WWC1: variants seen among roughly 807,000 people sequenced by gnomAD.
WWC1 encodes WW and C2 domain containing 1, also known as protein KIBRA.
Under a neutral mutation model 138.4 loss-of-function variants are expected in WWC1, and 55 were observed. The observed-to-expected ratio is 0.40, with a 90% CI of 0.32 to 0.50. The LOEUF is 0.50. WWC1 is among the 20% of genes least tolerant of loss of function. The pLI, the probability that WWC1 is intolerant of heterozygous loss-of-function variation, is 0.72. For missense variants in WWC1, 1,226 were observed against 1,420.4 expected, an observed-to-expected ratio of 0.86 and a Z score of 2.20; for synonymous variants, 524 against 564.9, an observed-to-expected ratio of 0.93 and a Z score of 1.03.
intron 10 of WWC1, among the ~76,000 whole-genome samples, chr5:168,422,659 C>T (rs1781185562): frequency 6.6e-6 from 1 of 152,024 alleles, no homozygotes; most frequent in African/African-American, 2.4e-5. Flanking sequence ...TGCCACCTAC[C>T]TGCACAACAC....
At chr5:168,383,732 C>T (rs1301756406) in intron 2 of WWC1, among the ~76,000 whole-genome samples, 1 of 152,186 alleles carries the variant, frequency 6.6e-6, no homozygotes, top group Non-Finnish European at 1.5e-5. Context: ...GAAGCAATAC[C>T]TATCTGGAGG....
chr5:168,409,288 A>G (rs888889), intron 7 of WWC1, among the ~76,000 whole-genome samples: 69,341 of 152,062 alleles, frequency 0.46, 19,914 homozygotes, highest in African/African-American at 0.8. Context: ...TGCTGTTCCT[A>G]TCTAAGTTCC....
chr5:168,326,307 T>G (rs1772543961), intron 1 of WWC1, among the ~76,000 whole-genome samples: 1 of 142,252 alleles, frequency 7.0e-6, no homozygotes, highest in Non-Finnish European at 1.5e-5. Flanking sequence ...AACCTCCGCC[T>G]CCCAGGTTCA....
chr5:168,341,843 G>A (rs911595630), intron 1 of WWC1, among the ~76,000 whole-genome samples: 3 of 152,178 alleles, frequency 2.0e-5, no homozygotes, highest in African/African-American at 4.8e-5. Context: ...GATAACGGAA[G>A]AAAGTTCTGT....
chr5:168,419,532 G>C (rs1167119395), intron 9 of WWC1, among the ~76,000 whole-genome samples: 1 of 152,152 alleles, frequency 6.6e-6, no homozygotes, highest in Non-Finnish European at 1.5e-5. Context: ...CACCTGGGAG[G>C]CTTAATGAAA....
intron 19 of WWC1, among the ~76,000 whole-genome samples, chr5:168,458,724 A>G (rs762941205): frequency 2.6e-5 from 4 of 152,204 alleles, no homozygotes; most frequent in Admixed American, 6.5e-5. Context: ...TCTAGCTATT[A>G]AATGCAAGTA....
chr5:168,406,090 G>T, intron 5 of WWC1, 108 bp from the exon 6 acceptor site: 1 of 1,369,100 alleles, frequency 7.3e-7, no homozygotes, highest in Non-Finnish European at 1.0e-6. Context: ...AGGACAGAGG[G>T]AGGGGCCTTC....
At chr5:168,468,282 A>G (rs931741856) in intron 22 of WWC1, among the ~76,000 whole-genome samples, 1 of 152,174 alleles carries the variant, frequency 6.6e-6, no homozygotes, top group African/African-American at 2.4e-5. Flanking sequence ...TGAATGATAA[A>G]TAAACCTAGG....
chr5:168,316,066 C>T (rs1042762465), intron 1 of WWC1, among the ~76,000 whole-genome samples: 3 of 152,214 alleles, frequency 2.0e-5, no homozygotes, highest in Admixed American at 1.3e-4. Flanking sequence ...GGCCTCCCCC[C>T]TCTTTTCAGG....
chr5:168,463,484 A>G (rs1756993306), intron 20 of WWC1, among the ~76,000 whole-genome samples: 1 of 152,190 alleles, frequency 6.6e-6, no homozygotes, highest in African/African-American at 2.4e-5. Context: ...CCAGCCAGGA[A>G]AAGCCCAGGC....
intron 1 of WWC1, among the ~76,000 whole-genome samples, chr5:168,305,030 G>A (rs192502898): frequency 3.3e-5 from 5 of 151,922 alleles, no homozygotes; most frequent in African/African-American, 1.2e-4. Flanking sequence ...TCTCCATGTT[G>A]GTCAGGCTGG....
chr5:168,339,822 C>CTT (rs1397498303), intron 1 of WWC1, among the ~76,000 whole-genome samples: 11 of 98,476 alleles, frequency 1.1e-4, no homozygotes, highest in African/African-American at 3.6e-4. Context: ...TTCTTTCTTT[C>CTT]TTTCTTTCTT....
rs1305726750 is a variant in WWC1, at chr5:168,455,508, G to C, written c.2811G>C (p.Gln937His). The C allele has an allele frequency of 6.2e-7, 1 of 1,612,748 alleles. No individual in the cohort carries two copies. Among genetic ancestry groups the C allele is most frequent in the African/African-American group, 1.3e-5 (1 of 74,886 alleles). ...CCTTCTCCCCAGGACCCCAGAGCCAGTACGTGTGCCGGGTAAGTGAGCGTG... is the reference window on the plus strand; with the variant it reads ...CCTTCTCCCCAGGACCCCAGAGCCACTACGTGTGCCGGGTAAGTGAGCGTG... Reference protein sequence around the residue: ...SKTFSPGPQSQYVCRLNRSDS... With the variant: ...SKTFSPGPQSHYVCRLNRSDS... The change falls in exon 19 of 23, where the codon CAG (glutamine) becomes CAC (histidine). Residue 937 changes from glutamine (Q) to histidine (H), a missense_variant. Gln to His is a conservative substitution (Grantham distance 24). Around this residue, in one of 3 missense-constraint regions of WWC1, gnomAD observed 206 missense variants for 247.4 expected, o/e 0.83. Coordinates refer to ENST00000265293, the MANE Select transcript of WWC1 (RefSeq NM_015238.3).
intron 12 of WWC1, 75 bp from the exon 13 acceptor site, chr5:168,428,632 G>A: frequency 1.4e-6 from 2 of 1,458,546 alleles, no homozygotes; most frequent in South Asian, 1.2e-5. Context: ...CCTTCCTGGG[G>A]ATGTAACCTC....
At chr5:168,298,960 C>G (rs566384961) in intron 1 of WWC1, among the ~76,000 whole-genome samples, 1 of 152,252 alleles carries the variant, frequency 6.6e-6, no homozygotes, top group African/African-American at 2.4e-5. Flanking sequence ...TGGCACGCAC[C>G]TGTAATCCCA....
In WWC1 at chr5:168,441,737, G is replaced by A. The variant is rs772425970; in HGVS notation, c.2336G>A (p.Arg779His). Residue 779 changes from arginine (R) to histidine (H), a missense_variant, in exon 16 of 23, where the codon CGC becomes CAC. By Grantham distance (29) the Arg-to-His change is conservative (BLOSUM62 0). Around this residue, in one of 3 missense-constraint regions of WWC1, gnomAD observed 1,016 missense variants for 1,153.9 expected, o/e 0.88. Transcript: ENST00000265293. ...EVCRSGERST[R>H]WYNLLSYKYL... is the part of the protein sequence containing the mutation. ...TGCCGGTCTGGGGAGAGGTCGACTC[G>A]CTGGTACAACCTTCTCAGCTACAAA... 26 of 1,614,176 alleles carry A rather than the reference G, an allele frequency of 1.6e-5. No individual in the cohort carries two copies. In the East Asian group the frequency reaches 1.8e-4, roughly 11 times the overall value.
intron 1 of WWC1, among the ~76,000 whole-genome samples, chr5:168,307,108 T>C (rs1270177526): frequency 1.3e-5 from 2 of 152,252 alleles, no homozygotes; most frequent in Non-Finnish European, 2.9e-5. Flanking sequence ...CTCTGGGCTG[T>C]GTGCTTTGAA....
At chr5:168,372,022 CGAGA>C (rs10602598) in intron 2 of WWC1, among the ~76,000 whole-genome samples, 25 of 145,770 alleles carry the variant, frequency 1.7e-4, no homozygotes, top group East Asian at 8.1e-4. Context: ...AGTGAATTGG[CGAGA>C]GAGAGAGAGA....
At chr5:168,399,781 C>T (rs1340851188) in intron 5 of WWC1, among the ~76,000 whole-genome samples, 1 of 152,092 alleles carries the variant, frequency 6.6e-6, no homozygotes, top group Non-Finnish European at 1.5e-5. Context: ...CATTTCAGAC[C>T]ACAGAACACT....
Sources: gnomAD v4.1 joint callset for allele counts (sites outside exome capture counted in the v4.1 genomes callset) on GRCh38, gnomAD v4.1.1 for gene constraint, gnomAD v4.1.1 regional missense constraint, MANE v1.5 for transcripts, NCBI Gene and HGNC (gene_info 2026-07-23, HGNC 2026-07-21) for gene names.